The following MYOM2 variants were observed in gnomAD, a reference collection of about 807,000 sequenced individuals.
MYOM2 encodes the protein myomesin-2.
In MYOM2, 254 loss-of-function variants were observed where a neutral mutation model predicts 187.6. The ratio of observed to expected loss-of-function variants is 1.35; its 90% CI spans 1.22 to 1.50. MYOM2 has a LOEUF of 1.50. Among genes scored for constraint, MYOM2 ranks in the 40% most tolerant of loss-of-function variants. The pLI is 0.00. For missense variants in MYOM2, 2,796 were observed against 1,924.0 expected, an observed-to-expected ratio of 1.45 and a Z score of -8.48; for synonymous variants, 981 against 753.8, an observed-to-expected ratio of 1.30 and a Z score of -4.94.
intron 1 of MYOM2, among the ~76,000 whole-genome samples, chr8:2,048,456 A>G (rs564917558): frequency 6.6e-6 from 1 of 152,382 alleles, no homozygotes; most frequent in East Asian, 1.9e-4. Flanking sequence ...GATTTCAAAT[A>G]GTGAAGCAAT....
chr8:2,113,375 G>C (rs983445863), intron 25 of MYOM2, among the ~76,000 whole-genome samples: 1 of 152,220 alleles, frequency 6.6e-6, no homozygotes, highest in Non-Finnish European at 1.5e-5. Flanking sequence ...GTATCTGTTA[G>C]CACATCCCAA....
chr8:2,063,248 G>C (rs997987477), intron 6 of MYOM2, among the ~76,000 whole-genome samples: 1 of 152,186 alleles, frequency 6.6e-6, no homozygotes, highest in African/African-American at 2.4e-5. Context: ...CCGATCTGTG[G>C]CCATTTTCAG....
intron 23 of MYOM2, among the ~76,000 whole-genome samples, chr8:2,107,836 A>G (rs545699784): frequency 1.3e-5 from 2 of 152,364 alleles, no homozygotes; most frequent in East Asian, 3.9e-4. Context: ...AAAGCTGTGC[A>G]TTCCTCTGCA....
chr8:2,078,120 CAG>C (rs1281118861), intron 11 of MYOM2, among the ~76,000 whole-genome samples: 3 of 152,212 alleles, frequency 2.0e-5, no homozygotes, highest in Admixed American at 6.5e-5. Context: ...CTGTGAAAAA[CAG>C]AGGTTAATCT....
Position 2,102,766 on chromosome 8 carries a change from G to C in MYOM2, c.2719G>C (p.Val907Leu). The change falls in exon 21 of 37, where the codon GTA (valine) becomes CTA (leucine). Residue 907 changes from valine to leucine, a missense_variant. Coordinates refer to ENST00000262113, the MANE Select transcript of MYOM2 (RefSeq NM_003970.4). ...CTCAGACACGTCGGAGCCTGTGCTG[G>C]TAGAGGCGAGACCAGGTAAGGCTTA... Reference protein sequence around the residue: ...KPSDTSEPVLVEARPGTKEIS... With the variant: ...KPSDTSEPVLLEARPGTKEIS... 6.2e-7 allele frequency: 1 copy of C among 1,613,512 alleles called. No individual in the cohort carries two copies. Among genetic ancestry groups the C allele is most frequent in the Non-Finnish European group, 8.5e-7 (1 of 1,179,434 alleles).
At chr8:2,079,018 C>T (rs779897414) in intron 12 of MYOM2, 85 bp downstream of exon 12, 3 of 1,345,460 alleles carry the variant, frequency 2.2e-6, no homozygotes, top group Non-Finnish European at 2.1e-6. Context: ...TCCCTCCCAA[C>T]TCGATGTGAG....
intron 19 of MYOM2, chr8:2,100,366 A>T (rs1796664609): frequency 6.5e-6 from 1 of 153,920 alleles, no homozygotes; most frequent in South Asian, 2.0e-4. Flanking sequence ...CTAGCTGAAG[A>T]TGGGGCGGGG....
chr8:2,097,929 GA>G (rs1563053092), intron 18 of MYOM2: 1 of 152,132 alleles, frequency 6.6e-6, no homozygotes, highest in Non-Finnish European at 1.5e-5. Flanking sequence ...GTTGCTGCTG[GA>G]ACTTTGTCCC....
chr8:2,114,458 T>C (rs1262919669), intron 25 of MYOM2, among the ~76,000 whole-genome samples: 2 of 150,906 alleles, frequency 1.3e-5, no homozygotes, highest in Admixed American at 1.3e-4. Flanking sequence ...GTATGCATTA[T>C]ATATGACAAA....
At chr8:2,113,089 G>T (rs1797120969) in intron 25 of MYOM2, among the ~76,000 whole-genome samples, 1 of 152,208 alleles carries the variant, frequency 6.6e-6, no homozygotes, top group African/African-American at 2.4e-5. Context: ...AGAAAATATT[G>T]ACAGCAGCTG....
intron 6 of MYOM2, among the ~76,000 whole-genome samples, chr8:2,067,259 G>T (rs559287006): frequency 5.9e-5 from 9 of 152,166 alleles, no homozygotes; most frequent in African/African-American, 1.2e-4. Flanking sequence ...TGGAGGCACT[G>T]GCTTCTTAAT....
rs371758304 is a variant in MYOM2 at position 2,144,666 on chromosome 8, C to T, written c.4083C>T (p.Thr1361=). 107 of 1,613,490 alleles carry T rather than the reference C, an allele frequency of 6.6e-5. No individual in the cohort carries two copies. The highest frequency in any genetic ancestry group is 8.7e-5 in the Non-Finnish European group (103 of 1,179,924). The change falls in exon 37 of 37, where the codon ACC becomes ACT. Residue 1361 remains threonine (T), a splice_region_variant and synonymous_variant. Coordinates refer to ENST00000262113, the MANE Select transcript of MYOM2 (RefSeq NM_003970.4). ...CCACCAACCTCTTCCGTCCAAAGAC[C>T]TTGAATCTGACCTGCACGGTGTTTG... ...PDVVTIMEGK[T]LNLTCTVFGN...
intron 32 of MYOM2, among the ~76,000 whole-genome samples, chr8:2,130,810 C>G (rs542561777): frequency 7.3e-4 from 111 of 152,276 alleles, no homozygotes; most frequent in African/African-American, 2.5e-3. Context: ...GACTAGAACT[C>G]TGGTGAGTTT....
chr8:2,052,116 T>C (rs1435099056), intron 2 of MYOM2, 42 bp from the exon 3 acceptor site: 17 of 1,610,268 alleles, frequency 1.1e-5, no homozygotes, highest in Non-Finnish European at 1.4e-5. Flanking sequence ...TTCCATACTG[T>C]GCCTGAGCAT....
At chr8:2,110,251 A>T (rs899006401) in intron 25 of MYOM2, among the ~76,000 whole-genome samples, 1 of 152,184 alleles carries the variant, frequency 6.6e-6, no homozygotes, top group African/African-American at 2.4e-5. Context: ...GGAGCCTGAG[A>T]GGTCCGAGCT....
intron 36 of MYOM2, among the ~76,000 whole-genome samples, chr8:2,143,699 C>T (rs983956335): frequency 1.2e-4 from 19 of 152,128 alleles, no homozygotes; most frequent in African/African-American, 4.1e-4. Context: ...CAGAGGAACA[C>T]GTTGTGCCAC....
At chr8:2,133,638 T>C (rs1352546799) in intron 32 of MYOM2, among the ~76,000 whole-genome samples, 1 of 152,000 alleles carries the variant, frequency 6.6e-6, no homozygotes, top group Non-Finnish European at 1.5e-5. Context: ...TTTTTGTATA[T>C]TTAGTAGAGA....
chr8:2,106,640 A>G, intron 23 of MYOM2, 43 bp downstream of exon 23: 1 of 1,395,138 alleles, frequency 7.2e-7, no homozygotes, highest in Non-Finnish European at 9.9e-7. Flanking sequence ...TGGTTTTATC[A>G]CACTTTCAAA....
chr8:2,101,944 GC>G (rs1394105861), intron 20 of MYOM2: 2 of 152,232 alleles, frequency 1.3e-5, no homozygotes, highest in East Asian at 3.9e-4. Context: ...TAAGGACTGA[GC>G]CCCAGGAGGC....
Sources: gnomAD v4.1 joint callset for allele counts (sites outside exome capture counted in the v4.1 genomes callset) on GRCh38, gnomAD v4.1.1 for gene constraint, MANE v1.5 for transcripts, NCBI Gene and HGNC (gene_info 2026-07-23, HGNC 2026-07-21) for gene names.